Variants in GLOD4 observed in about 807,000 individuals in gnomAD.
GLOD4 encodes glyoxalase domain containing 4.
A neutral mutation model predicts 39.1 loss-of-function variants in GLOD4; 44 were observed. That is an observed-to-expected ratio of 1.13 (90% confidence interval 0.88 to 1.45). The LOEUF (loss-of-function observed/expected upper bound fraction) is 1.45, where lower values mean the gene tolerates loss of function less well. GLOD4 is among the 40% of genes most tolerant of loss of function. The pLI is 0.00. For synonymous variants in GLOD4, 145 were observed against 135.0 expected, an observed-to-expected ratio of 1.07 and a Z score of -0.52; for missense variants, 405 against 366.4, an observed-to-expected ratio of 1.11 and a Z score of -0.86.
At chr17:783,283 A>T (rs373136858), upstream of GLOD4, 1 of 1,613,592 alleles carries the variant, frequency 6.2e-7, no homozygotes, top group Non-Finnish European at 8.5e-7. Flanking sequence ...AAATTTGAGG[A>T]TATCAAGGAT....
At chr17:778,132 C>G (rs1909267016) in intron 2 of GLOD4, among the ~76,000 whole-genome samples, 1 of 152,198 alleles carries the variant, frequency 6.6e-6, no homozygotes, top group Admixed American at 6.5e-5. Context: ...GACTCGTACT[C>G]TTTATGATAA....
chr17:779,006 C>T lies in GLOD4; in HGVS notation c.91-262G>A, dbSNP rs542303093. The stretch of plus-strand genomic sequence containing the variant: ...TGCTATGCAGTGGGAAAAAGTGTGG[C>T]CTTCAGCATTAAAGAAGTCTGATTT... On this transcript the variant is annotated intron_variant, in intron 1 of 8. Coordinates refer to ENST00000301329, the MANE Select transcript of GLOD4 (RefSeq NM_016080.4). Among the ~76,000 whole-genome samples the T allele has an allele frequency of 3.3e-5, 5 of 152,160 alleles. No homozygotes were observed. The East Asian group carries it at 7.7e-4, about 24-fold the overall frequency.
intron 8 of GLOD4, among the ~76,000 whole-genome samples, chr17:766,946 G>C (rs1203652989): frequency 6.6e-6 from 1 of 152,232 alleles, no homozygotes; most frequent in African/African-American, 2.4e-5. Context: ...GAGCGAGGAG[G>C]AAGAGTCTGG....
intron 8 of GLOD4, among the ~76,000 whole-genome samples, chr17:767,997 G>A (rs1428487244): frequency 5.9e-5 from 8 of 134,750 alleles, no homozygotes; most frequent in East Asian, 2.6e-4. Context: ...GAGAGGACGT[G>A]AGAGAGAGAA....
At chr17:781,892 A>G in intron 1 of GLOD4, 1 of 456,624 alleles carries the variant, frequency 2.2e-6, no homozygotes, top group Non-Finnish European at 3.9e-6. Flanking sequence ...TAAGCTCCAC[A>G]AGGGCGGGGC....
At position 759,503 on chromosome 17, in the gene GLOD4, T is replaced by C. The variant is rs2144235738; in HGVS notation, c.*670A>G. The C allele has an allele frequency of 6.6e-6, 1 of 152,276 alleles. No individual in the cohort carries two copies. The highest frequency in any genetic ancestry group is 3.4e-3 in the Middle Eastern group (1 of 294). The allele number at this position is 152,276 out of a possible 1,614,324, so 9.4% of individuals were successfully genotyped here. On this transcript the variant is annotated 3_prime_UTR_variant, in exon 9 of 9. Transcript: ENST00000301329. ...TTTAAAGAAATCTCACATGATGTTCTGTCGGGATTAAAAATATACACGGAA... is the reference window on the plus strand; with the variant it reads ...TTTAAAGAAATCTCACATGATGTTCCGTCGGGATTAAAAATATACACGGAA...
chr17:761,517 TTTTTGAAATGGAG>T (rs1243545403), intron 8 of GLOD4, among the ~76,000 whole-genome samples: 10 of 152,240 alleles, frequency 6.6e-5, no homozygotes, highest in Non-Finnish European at 1.5e-4. Flanking sequence ...CTTTTTTTCT[TTTTTGAAATGGAG>T]TTTTGCTCTT....
intron 8 of GLOD4, among the ~76,000 whole-genome samples, chr17:763,181 TAAA>T (rs61285863): frequency 8.2e-6 from 1 of 121,906 alleles, no homozygotes. Flanking sequence ...AGACTCCGTC[TAAA>T]AAAAAAAAAA....
At chr17:774,367 T>G (rs1177486312) in intron 4 of GLOD4, among the ~76,000 whole-genome samples, 1 of 152,244 alleles carries the variant, frequency 6.6e-6, no homozygotes, top group Non-Finnish European at 1.5e-5. Context: ...CTTGCAGGCA[T>G]ACGTTCACCA....
intron 1 of GLOD4, 66 bp from the exon 2 acceptor site, chr17:778,810 A>G: frequency 2.3e-6 from 2 of 859,828 alleles, no homozygotes; most frequent in Non-Finnish European, 3.8e-6. Context: ...TTTAGCACAG[A>G]CTAAAATGTC....
chr17:782,718 A>G (rs1005104614), upstream of GLOD4: 3 of 1,571,484 alleles, frequency 1.9e-6, no homozygotes, highest in African/African-American at 2.7e-5. Context: ...AGCCTGTCGA[A>G]TGTTCTCGTT....
At chr17:765,792 T>A (rs1906427583) in intron 8 of GLOD4, among the ~76,000 whole-genome samples, 1 of 151,168 alleles carries the variant, frequency 6.6e-6, no homozygotes, top group African/African-American at 2.4e-5. Context: ...CTACTAAAAA[T>A]ACAAAAATTA....
At chr17:781,374 C>G (rs1016486537) in intron 1 of GLOD4, among the ~76,000 whole-genome samples, 2 of 152,176 alleles carry the variant, frequency 1.3e-5, no homozygotes, top group African/African-American at 4.8e-5. Context: ...CCAACTCCCA[C>G]CCCAACCCAG....
chr17:772,908 T>C (rs1192376160), intron 4 of GLOD4, among the ~76,000 whole-genome samples: 5 of 150,594 alleles, frequency 3.3e-5, no homozygotes, highest in African/African-American at 1.2e-4. Context: ...GGCAGGAGAA[T>C]GGCGTGAACC....
Position 769,887 on chromosome 17 carries a change from T to G in GLOD4, c.813A>C (p.Gly271=), listed in dbSNP as rs1907618509. ...FRELSKMDPE[G]SKLLDDAMAA... ...GACTCACATCATCCAACAATTTGCT[T>G]CCCTCTGGATCCATCTTAGAAAGTT... The change falls in exon 8 of 9, where the codon GGA becomes GGC. Residue 271 remains glycine, a synonymous_variant. Transcript: ENST00000301329. 6.3e-7 allele frequency: 1 copy of G among 1,599,688 alleles called. No homozygotes were observed. Among genetic ancestry groups the G allele is most frequent in the African/African-American group, 1.3e-5 (1 of 74,622 alleles).
intron 8 of GLOD4, chr17:765,309 G>C (rs1040344719): frequency 3.3e-5 from 5 of 150,906 alleles, no homozygotes; most frequent in African/African-American, 1.2e-4. Flanking sequence ...ACAACCACCT[G>C]TCTGAGCTGA....
chr17:762,725 G>A (rs1905722778), intron 8 of GLOD4, among the ~76,000 whole-genome samples: 1 of 151,636 alleles, frequency 6.6e-6, no homozygotes, highest in Non-Finnish European at 1.5e-5. Context: ...GTGATCTTCA[G>A]GGATGAAGGG....
At chr17:764,543 T>C (rs1906111847) in intron 8 of GLOD4, 1 of 152,148 alleles carries the variant, frequency 6.6e-6, no homozygotes, top group Non-Finnish European at 1.5e-5. Flanking sequence ...AGATTTACAC[T>C]AGAATGTTCA....
intron 8 of GLOD4, chr17:764,648 TTGAG>T (rs1203155927): frequency 6.6e-6 from 1 of 152,104 alleles, no homozygotes; most frequent in Non-Finnish European, 1.5e-5. Context: ...ATTCATAAAA[TTGAG>T]TATCAGTCAG....
Sources: gnomAD v4.1 joint callset for allele counts (sites outside exome capture counted in the v4.1 genomes callset) on GRCh38, gnomAD v4.1.1 for gene constraint, MANE v1.5 for transcripts, NCBI Gene and HGNC (gene_info 2026-07-23, HGNC 2026-07-21) for gene names.